Variants in KAZN observed in about 807,000 individuals in gnomAD.
KAZN encodes the protein kazrin, periplakin interacting protein, also known as kazrin.
KAZN carries 40 observed loss-of-function variants against 87.4 expected under a neutral mutation model. That is an observed-to-expected ratio of 0.46 (90% CI 0.36 to 0.60). The LOEUF is 0.60. Among genes scored for constraint, KAZN ranks in the 20% least tolerant of loss-of-function variants. KAZN has a pLI of 0.00. For synonymous variants in KAZN, 466 were observed against 458.3 expected (o/e 1.02, Z -0.22); for missense variants, 898 against 1,073.9 (o/e 0.84, Z 2.29).
chr1:14,713,797 A>AGAAAGAAAG (rs58621160), intron 1 of KAZN, among the ~76,000 whole-genome samples: 14 of 95,680 alleles, frequency 1.5e-4, no homozygotes, highest in South Asian at 4.8e-4. Flanking sequence ...AAAAAAAAAA[A>AGAAAGAAAG]AAAGAAAGAA....
chr1:14,712,998 A>T (rs1465459200), intron 1 of KAZN, among the ~76,000 whole-genome samples: 1 of 152,084 alleles, frequency 6.6e-6, no homozygotes, highest in Non-Finnish European at 1.5e-5. Flanking sequence ...GCTGTGTAAC[A>T]AACAACCACA....
At chr1:14,636,425 T>C (rs544146608) in intron 1 of KAZN, among the ~76,000 whole-genome samples, 3 of 152,340 alleles carry the variant, frequency 2.0e-5, no homozygotes, top group African/African-American at 7.2e-5. Flanking sequence ...CAGACATGCT[T>C]GAGCCCTTTG....
intron 2 of KAZN, among the ~76,000 whole-genome samples, chr1:14,495,095 C>T (rs1669869127): frequency 6.6e-6 from 1 of 152,190 alleles, no homozygotes; most frequent in African/African-American, 2.4e-5. Flanking sequence ...AATATTTAAA[C>T]TTGGAAGGCA....
intron 8 of KAZN, among the ~76,000 whole-genome samples, chr1:15,093,891 G>T (rs1640680197): frequency 6.6e-6 from 1 of 152,200 alleles, no homozygotes; most frequent in African/African-American, 2.4e-5. Context: ...TTGGCTTAAT[G>T]AGTTTGGGGT....
chr1:14,897,844 C>T (rs997527986), intron 1 of KAZN, among the ~76,000 whole-genome samples: 2 of 152,140 alleles, frequency 1.3e-5, no homozygotes, highest in Non-Finnish European at 2.9e-5. Flanking sequence ...GCTCTCAGGA[C>T]CCCAGCAGAC....
chr1:14,379,798 A>AC (rs1661218766), intron 2 of KAZN, among the ~76,000 whole-genome samples: 1 of 152,284 alleles, frequency 6.6e-6, no homozygotes, highest in African/African-American at 2.4e-5. Flanking sequence ...CTCTAGACTG[A>AC]CCTAGTGCCT....
Position 14,772,220 on chromosome 1 carries a change from C to T in KAZN, c.226+172997C>T, listed in dbSNP as rs973673392. Among the ~76,000 whole-genome samples, 9 of 152,130 alleles carry T rather than the reference C, an allele frequency of 5.9e-5. No individual in the cohort carries two copies. In the South Asian group the frequency reaches 1.2e-3, roughly 21 times the overall value. On this transcript the variant is annotated intron_variant, in intron 1 of 14. Coordinates refer to ENST00000376030, the MANE Select transcript of KAZN (RefSeq NM_201628.3). ...GGATGGGCCTGGGTGCGGTGGCTCA[C>T]GCCTGTAATCCTGGCACTTTGGGAG... is the stretch of plus-strand genomic sequence containing the variant.
intron 1 of KAZN, among the ~76,000 whole-genome samples, chr1:14,652,947 A>C (rs1572143099): frequency 1.3e-5 from 2 of 152,024 alleles, no homozygotes; most frequent in Admixed American, 6.6e-5. Context: ...GCTGCTACTC[A>C]TACTGCAGTG....
At chr1:14,825,218 C>T (rs979931847) in intron 1 of KAZN, among the ~76,000 whole-genome samples, 3 of 152,230 alleles carry the variant, frequency 2.0e-5, no homozygotes, top group African/African-American at 7.2e-5. Context: ...AACAGAACAG[C>T]TTTTGGGATG....
In KAZN at chr1:14,645,820, G is replaced by A. The variant is rs947243396; in HGVS notation, c.226+46597G>A. Among the ~76,000 whole-genome samples the A allele has an allele frequency of 1.3e-5, 2 of 152,254 alleles. 1 individual carries two copies. The highest frequency in any genetic ancestry group is 4.1e-4 in the South Asian group (2 of 4,826). On this transcript the variant is annotated intron_variant, in intron 1 of 14. Coordinates refer to ENST00000376030, the MANE Select transcript of KAZN (RefSeq NM_201628.3). ...TGGTGAGAGAGGGCATCCTTGTCTT[G>A]TGCCAGTTTTCAAGGGGAATGCTTC...
At chr1:14,943,007 G>GGGGTGTGTGT (rs1378110387) in intron 1 of KAZN, among the ~76,000 whole-genome samples, 5 of 100,844 alleles carry the variant, frequency 5.0e-5, no homozygotes, top group Non-Finnish European at 9.6e-5. Flanking sequence ...GTGTGTGTGT[G>GGGGTGTGTGT]GTGTGTGTGT....
At chr1:14,491,608 G>T (rs1310798324) in intron 2 of KAZN, among the ~76,000 whole-genome samples, 1 of 152,092 alleles carries the variant, frequency 6.6e-6, no homozygotes, top group Non-Finnish European at 1.5e-5. Flanking sequence ...GCTGGTTTTA[G>T]CTCGATATTA....
chr1:15,068,379 G>A (rs1197322475), intron 8 of KAZN, among the ~76,000 whole-genome samples: 1 of 152,108 alleles, frequency 6.6e-6, no homozygotes, highest in Non-Finnish European at 1.5e-5. Context: ...ACTGTAATTT[G>A]GAGGGCTACC....
chr1:14,460,379 G>A (rs2148348182), intron 2 of KAZN, among the ~76,000 whole-genome samples: 3 of 152,318 alleles, frequency 2.0e-5, no homozygotes, highest in Admixed American at 2.0e-4. Flanking sequence ...CCTACACACA[G>A]CTTGGCAGCA....
At chr1:15,074,024 C>T (rs1449750303) in intron 8 of KAZN, among the ~76,000 whole-genome samples, 1 of 152,242 alleles carries the variant, frequency 6.6e-6, no homozygotes, top group Non-Finnish European at 1.5e-5. Context: ...CCTTCAGGGC[C>T]CCTGAGCCCG....
chr1:15,044,190 G>A, intron 4 of KAZN, 31 bp downstream of exon 4: 4 of 1,408,150 alleles, frequency 2.8e-6, no homozygotes, highest in South Asian at 1.2e-5. Flanking sequence ...GGTGGGCCTG[G>A]CATCTGCTAG....
intron 2 of KAZN, among the ~76,000 whole-genome samples, chr1:14,413,865 TA>T (rs1478120308): frequency 6.6e-6 from 1 of 152,082 alleles, no homozygotes; most frequent in Non-Finnish European, 1.5e-5. Context: ...CATGACTCAA[TA>T]AAATGGAAGG....
chr1:14,383,359 CT>C (rs1661548717), intron 2 of KAZN, among the ~76,000 whole-genome samples: 1 of 151,856 alleles, frequency 6.6e-6, no homozygotes, highest in Non-Finnish European at 1.5e-5. Flanking sequence ...GTTGCCATTG[CT>C]TTTGGTGTTT....
intron 1 of KAZN, among the ~76,000 whole-genome samples, chr1:14,661,045 C>T (rs572294747): frequency 2.0e-4 from 31 of 152,140 alleles, no homozygotes; most frequent in Non-Finnish European, 3.2e-4. Context: ...GTTCGTTGAG[C>T]TTTGACTCTG....
Sources: gnomAD v4.1 joint callset for allele counts (sites outside exome capture counted in the v4.1 genomes callset) on GRCh38, gnomAD v4.1.1 for gene constraint, MANE v1.5 for transcripts, NCBI Gene and HGNC (gene_info 2026-07-23, HGNC 2026-07-21) for gene names.